Variants in ARHGEF18 observed in about 807,000 individuals in gnomAD.
ARHGEF18 encodes the protein Rho/Rac guanine nucleotide exchange factor 18.
In ARHGEF18, 93 loss-of-function variants were observed where a neutral mutation model predicts 155.7. That is an observed-to-expected ratio of 0.60 (90% CI 0.50 to 0.71). The LOEUF (loss-of-function observed/expected upper bound fraction) is 0.71. Ranked by LOEUF, ARHGEF18 falls within the 30% of genes least tolerant of loss-of-function variation. ARHGEF18 has a pLI of 0.00. For missense variants in ARHGEF18, 1,593 were observed against 1,816.1 expected (o/e 0.88, Z 2.23); for synonymous variants, 742 against 753.1 (o/e 0.99, Z 0.24).
intron 13 of ARHGEF18, among the ~76,000 whole-genome samples, chr19:7,442,810 T>A (rs1974748551): frequency 6.6e-6 from 1 of 152,218 alleles, no homozygotes. Flanking sequence ...AGACTTAGTG[T>A]CCATGAAGGC....
rs752814363 is a variant in ARHGEF18 at position 7,468,935 on chromosome 19, G to A, written c.3591G>A (p.Val1197=). The change falls in exon 27 of 29, where the codon GTG becomes GTA. Residue 1197 remains valine (V), a synonymous_variant. Coordinates refer to ENST00000668164, the MANE Select transcript of ARHGEF18 (RefSeq NM_001367823.1). ...VGPEYAERPE[V]ARRDSAPTEN... is the part of the protein sequence containing the mutation. ...CAGAGTACGCAGAGCGCCCCGAGGTGGCTCGCCGGGACAGCGCCCCCACCG... is the reference window on the plus strand; with the variant it reads ...CAGAGTACGCAGAGCGCCCCGAGGTAGCTCGCCGGGACAGCGCCCCCACCG... 34 of 1,576,604 alleles carry A rather than the reference G, an allele frequency of 2.2e-5. No homozygotes were observed. Among genetic ancestry groups the A allele is most frequent in the Non-Finnish European group, 2.9e-5 (34 of 1,162,454 alleles).
chr19:7,433,958 G>A (rs13343901), intron 10 of ARHGEF18, among the ~76,000 whole-genome samples: 2,688 of 150,672 alleles, frequency 0.018, 73 homozygotes, highest in African/African-American at 0.062. Context: ...GGCGGAGGTT[G>A]CAGTGAACTG....
At chr19:7,364,212 AGAAG>A (rs1568267208) in intron 2 of ARHGEF18, among the ~76,000 whole-genome samples, 2 of 149,756 alleles carry the variant, frequency 1.3e-5, no homozygotes, top group African/African-American at 2.5e-5. Flanking sequence ...AAGGAAGGAA[AGAAG>A]GAAGGAAGTA....
intron 10 of ARHGEF18, among the ~76,000 whole-genome samples, chr19:7,397,036 G>A (rs989934950): frequency 2.7e-5 from 4 of 146,470 alleles, no homozygotes; most frequent in Non-Finnish European, 5.9e-5. Flanking sequence ...TGTTTGGACC[G>A]AGTCAGGGTT....
At chr19:7,468,745 C>T in intron 26 of ARHGEF18, 80 bp from the exon 27 acceptor site, 1 of 1,405,782 alleles carries the variant, frequency 7.1e-7, no homozygotes, top group Non-Finnish European at 9.5e-7. Flanking sequence ...CGAGGGTCTC[C>T]TGTGCACGAC....
chr19:7,436,181 G>T (rs1974240088), intron 10 of ARHGEF18, among the ~76,000 whole-genome samples: 1 of 148,266 alleles, frequency 6.7e-6, no homozygotes, highest in Non-Finnish European at 1.5e-5. Flanking sequence ...AAAATTCTTT[G>T]GAATCAGCAT....
chr19:7,388,119 G>C (rs75544600), intron 10 of ARHGEF18, among the ~76,000 whole-genome samples: 1 of 152,072 alleles, frequency 6.6e-6, no homozygotes, highest in Non-Finnish European at 1.5e-5. Context: ...CTTGAGCAAT[G>C]AGAGTTCCAA....
rs746444587 is a variant in ARHGEF18 at position 7,467,533 on chromosome 19, A to C, written c.3329A>C (p.Glu1110Ala). Residue 1110 changes from glutamate to alanine, a missense_variant, in exon 26 of 29, where the codon GAG becomes GCG. Glu to Ala is a moderately radical substitution (Grantham distance 107, BLOSUM62 -1). Coordinates refer to ENST00000668164, the MANE Select transcript of ARHGEF18 (RefSeq NM_001367823.1). ...ERLEQERAEL[E>A]RQRQAYQHDL... ...CTGGAGCAGGAGCGGGCCGAGCTGG[A>C]GCGCCAGCGCCAGGCCTACCAGCAC... 11 of 1,444,972 alleles carry C rather than the reference A, an allele frequency of 7.6e-6. No homozygotes were observed. Among genetic ancestry groups the C allele is most frequent in the Non-Finnish European group, 9.9e-6 (11 of 1,110,448 alleles). 89.5% of individuals were successfully genotyped at this position (1,444,972 alleles called of 1,614,324 possible).
Position 7,469,989 on chromosome 19 carries a change from C to G in ARHGEF18, c.3873C>G (p.Ser1291Arg), listed in dbSNP as rs766134775. 4 of 1,613,192 alleles carry G rather than the reference C, an allele frequency of 2.5e-6. No homozygotes were observed. In the Admixed American group the frequency reaches 6.7e-5, roughly 27 times the overall value. ...ESTSRNRRSL[S>R]PILPGRHSPA... ...CCTCACGGAACCGCCGCTCGCTGAGCCCTATCCTGCCCGGCAGACACAGTC... is the reference window on the plus strand; with the variant it reads ...CCTCACGGAACCGCCGCTCGCTGAGGCCTATCCTGCCCGGCAGACACAGTC... The change falls in exon 28 of 29, where the codon AGC becomes AGG. Residue 1291 changes from serine to arginine, a missense_variant. Coordinates refer to ENST00000668164, the MANE Select transcript of ARHGEF18 (RefSeq NM_001367823.1).
chr19:7,421,246 G>A (rs917641930), intron 10 of ARHGEF18, among the ~76,000 whole-genome samples: 1 of 152,106 alleles, frequency 6.6e-6, no homozygotes, highest in African/African-American at 2.4e-5. Flanking sequence ...GAACAGCACG[G>A]GTTTCAGCTG....
chr19:7,404,200 C>T (rs1972170979), intron 10 of ARHGEF18, among the ~76,000 whole-genome samples: 1 of 152,098 alleles, frequency 6.6e-6, no homozygotes, highest in Admixed American at 6.6e-5. Context: ...AGCACCTTGC[C>T]AGAGGCAGGT....
At position 7,470,674 on chromosome 19, in the gene ARHGEF18, A is replaced by T. The variant is rs1291954879; in HGVS notation, c.*376A>T. The T allele has an allele frequency of 2.5e-6, 1 of 398,442 alleles. No homozygotes were observed. Among genetic ancestry groups the T allele is most frequent in the African/African-American group, 2.1e-5 (1 of 48,502 alleles). 24.7% of individuals were successfully genotyped at this position (398,442 alleles called of 1,614,324 possible). The stretch of plus-strand genomic sequence containing the variant: ...GAGGAACGGTGCCGGCTCTGCACGG[A>T]GCTGAGGACAGGACAGACCTTGCTT... On this transcript the variant is annotated 3_prime_UTR_variant, in exon 29 of 29. Coordinates refer to ENST00000668164, the MANE Select transcript of ARHGEF18 (RefSeq NM_001367823.1). This position sits in a 1 kb window ranked among gnomAD's most constrained non-coding sequence, Gnocchi z 5.9.
downstream of ARHGEF18, chr19:7,473,511 T>C (rs1052654726): frequency 2.9e-6 from 1 of 340,442 alleles, no homozygotes; most frequent in African/African-American, 2.2e-5. Context: ...CACAGAAAAA[T>C]TAAAAAATTA....
chr19:7,380,477 T>TG (rs1970679986), intron 7 of ARHGEF18, among the ~76,000 whole-genome samples: 1 of 101,348 alleles, frequency 9.9e-6, no homozygotes, highest in South Asian at 3.1e-4. Context: ...AGACTCCATC[T>TG]CAAAAAAAAA....
chr19:7,434,406 T>A (rs1406610432), intron 10 of ARHGEF18, among the ~76,000 whole-genome samples: 1 of 152,110 alleles, frequency 6.6e-6, no homozygotes, highest in Admixed American at 6.6e-5. Flanking sequence ...CCCCCTCAGG[T>A]CAGAACTGTT....
intron 23 of ARHGEF18, among the ~76,000 whole-genome samples, chr19:7,466,671 G>T (rs1976626969): frequency 6.6e-6 from 1 of 151,812 alleles, no homozygotes; most frequent in African/African-American, 2.4e-5. Context: ...AGGCGTGGAG[G>T]CTTGAGCCTA....
At chr19:7,407,938 G>A (rs568151399) in intron 10 of ARHGEF18, among the ~76,000 whole-genome samples, 44 of 142,334 alleles carry the variant, frequency 3.1e-4, no homozygotes, top group African/African-American at 1.1e-3. Flanking sequence ...CTCCAGCCTG[G>A]GCAACAGAGC....
rs1976701552 is a variant in ARHGEF18, at chr19:7,467,362, G to A, written c.3158G>A (p.Arg1053His). 1 of 1,534,738 alleles carries A rather than the reference G, an allele frequency of 6.5e-7. No individual in the cohort carries two copies. Among genetic ancestry groups the A allele is most frequent in the East Asian group, 2.4e-5 (1 of 40,902 alleles). The change falls in exon 26 of 29, where the codon CGC (arginine) becomes CAC (histidine). Residue 1053 changes from arginine (R) to histidine (H), a missense_variant. Arg to His is a conservative substitution (Grantham distance 29, BLOSUM62 0). Transcript: ENST00000668164. ...QRNFEKQREERAALEKLQSQL... is the reference protein window; with the variant it reads ...QRNFEKQREEHAALEKLQSQL... ...AACTTCGAGAAGCAGCGGGAGGAGC[G>A]CGCGGCCCTGGAGAAGCTGCAGAGC...
downstream of ARHGEF18, among the ~76,000 whole-genome samples, chr19:7,473,808 C>CAA (rs35797777): frequency 4.8e-4 from 38 of 79,554 alleles, no homozygotes; most frequent in East Asian, 7.3e-4. Flanking sequence ...GACTCCGTCT[C>CAA]AAAAAAAAAA....
Sources: allele counts gnomAD v4.1 joint callset (sites outside exome capture counted in the v4.1 genomes callset), GRCh38; gene constraint gnomAD v4.1.1; non-coding constraint Gnocchi (gnomAD v3.1); transcripts MANE v1.5; gene names NCBI Gene and HGNC (gene_info 2026-07-23, HGNC 2026-07-21).